EDDM3A: variants seen among roughly 807,000 people sequenced by gnomAD.
EDDM3A encodes epididymal secretory protein E3-alpha.
For missense variants in EDDM3A, 199 were observed against 177.4 expected (o/e 1.12, Z -0.69); for synonymous variants, 75 against 60.4 (o/e 1.24, Z -1.12).
the EDDM3A span, among the ~76,000 whole-genome samples, chr14:20,736,362 G>A: frequency 6.6e-6 from 1 of 152,008 alleles, no homozygotes; most frequent in Non-Finnish European, 1.5e-5. Flanking sequence ...TTCCCACCTC[G>A]GCCTCCCAAA....
chr14:20,744,544 T>C (rs1877526498), upstream of EDDM3A, among the ~76,000 whole-genome samples: 1 of 152,064 alleles, frequency 6.6e-6, no homozygotes. Context: ...GCATGGAAAA[T>C]ATGGTGGAAA....
At chr14:20,738,189 C>T in the EDDM3A span, among the ~76,000 whole-genome samples, 1 of 152,120 alleles carries the variant, frequency 6.6e-6, no homozygotes, top group African/African-American at 2.4e-5. Context: ...AAACCAGTAG[C>T]AAGGCCAGGC....
chr14:20,747,189 C>T (rs1335646560), intron 1 of EDDM3A, among the ~76,000 whole-genome samples: 4 of 150,992 alleles, frequency 2.6e-5, no homozygotes, highest in Admixed American at 6.6e-5. Context: ...CCGCAACCTC[C>T]GCCTCCCAGG....
Position 20,747,513 on chromosome 14 carries a change from T to C in EDDM3A, c.-26-42T>C. The C allele has an allele frequency of 2.3e-6, 3 of 1,280,242 alleles. No individual in the cohort carries two copies. The South Asian group carries it at 4.4e-5, about 19-fold the overall frequency. The allele number at this position is 1,280,242 out of a possible 1,614,324, so 79.3% of individuals were successfully genotyped here. A position where few individuals can be genotyped will look rare whatever the true frequency, so the allele number is the denominator to read the frequency against. On this transcript the variant is annotated intron_variant, in intron 1 of 1. Transcript: ENST00000326842. ...AATTTTAAGGTGGAGCTCAGCTCTC[T>C]GAGTATAGTCTGGTTAATGCTTTTC...
upstream of EDDM3A, among the ~76,000 whole-genome samples, chr14:20,742,839 C>T (rs1425628833): frequency 6.6e-6 from 1 of 152,010 alleles, no homozygotes; most frequent in Non-Finnish European, 1.5e-5. Flanking sequence ...TCAAGTGATC[C>T]TCCCACCTCA....
chr14:20,741,414 G>T (rs1433991232), upstream of EDDM3A, among the ~76,000 whole-genome samples: 2 of 152,204 alleles, frequency 1.3e-5, no homozygotes, highest in African/African-American at 2.4e-5. Flanking sequence ...CACCGGCAGA[G>T]ACCTGGTCTG....
chr14:20,739,852 C>A, the EDDM3A span, among the ~76,000 whole-genome samples: 3 of 152,106 alleles, frequency 2.0e-5, no homozygotes, highest in Non-Finnish European at 4.4e-5. Context: ...TGCTGACCAC[C>A]TGCTCCCCCA....
rs917992929 is a variant in EDDM3A at position 20,747,755 on chromosome 14, G to C, written c.175G>C (p.Ala59Pro). ...KCDVLMREKEALKGKSFHMFI... is the reference protein window; with the variant it reads ...KCDVLMREKEPLKGKSFHMFI... ...TGATGTCCTCATGAGAGAAAAAGAG[G>C]CTCTGAAAGGCAAGAGCTTTCATAT... is the stretch of plus-strand genomic sequence containing the variant. The change falls in exon 2 of 2, where the codon GCT (alanine) becomes CCT (proline). Residue 59 changes from alanine to proline, a missense_variant. By Grantham distance (27) the Ala-to-Pro change is conservative (BLOSUM62 -1). Transcript: ENST00000326842. 1.9e-6 allele frequency: 3 copies of C among 1,614,008 alleles called. No homozygotes were observed. Among genetic ancestry groups the C allele is most frequent in the Non-Finnish European group, 2.5e-6 (3 of 1,180,018 alleles).
Position 20,748,208 on chromosome 14 carries a change from G to A in EDDM3A, c.*184G>A. Reference sequence around the variant, plus strand: ...AAATCTTTGTGTGGTTTCTGTATCTGTAATACAATTTTGTCCTAATTTGCC... The same window carrying A: ...AAATCTTTGTGTGGTTTCTGTATCTATAATACAATTTTGTCCTAATTTGCC... On this transcript the variant is annotated 3_prime_UTR_variant, in exon 2 of 2. Transcript: ENST00000326842. The A allele has an allele frequency of 1.9e-6, 1 of 537,722 alleles. No individual in the cohort carries two copies. The allele number at this position is 537,722 out of a possible 1,614,324, so 33.3% of individuals were successfully genotyped here.
the EDDM3A span, among the ~76,000 whole-genome samples, chr14:20,736,571 A>G: frequency 6.6e-6 from 1 of 152,196 alleles, no homozygotes; most frequent in Admixed American, 6.5e-5. Context: ...GGCTTATGGT[A>G]GTTGCTCAGT....
chr14:20,747,843 GATATAGAA>G lies in EDDM3A; in HGVS notation c.266_273del (p.Tyr89CysfsTer22). 6.2e-7 allele frequency: 1 copy of G among 1,614,142 alleles called. No individual in the cohort carries two copies. The highest frequency in any genetic ancestry group is 8.5e-7 in the Non-Finnish European group (1 of 1,180,024). ...TGCATCAATGAGAAGGGGAGCGACC[GATATAGAA>G]ATGCATATGTATGGGCCCCAGGTGC... is the stretch of plus-strand genomic sequence containing the variant. On this transcript the variant is annotated frameshift_variant, in exon 2 of 2. Coordinates refer to ENST00000326842, the MANE Select transcript of EDDM3A (RefSeq NM_006683.5). LOFTEE classifies it low-confidence loss of function (END_TRUNC).
upstream of EDDM3A, among the ~76,000 whole-genome samples, chr14:20,743,277 C>T (rs911985840): frequency 4.6e-5 from 7 of 152,104 alleles, no homozygotes; most frequent in African/African-American, 7.2e-5. Flanking sequence ...TGGCTTGGTG[C>T]GGTGGCTCAC....
Position 20,748,100 on chromosome 14 carries a change from G to A in EDDM3A, c.*76G>A. 1 of 1,066,180 alleles carries A rather than the reference G, an allele frequency of 9.4e-7. No individual in the cohort carries two copies. Among genetic ancestry groups the A allele is most frequent in the Non-Finnish European group, 1.4e-6 (1 of 739,152 alleles). 66.0% of individuals were successfully genotyped at this position (1,066,180 alleles called of 1,614,324 possible). A position where few individuals can be genotyped will look rare whatever the true frequency, so the allele number is the denominator to read the frequency against. On this transcript the variant is annotated 3_prime_UTR_variant, in exon 2 of 2. Coordinates refer to ENST00000326842, the MANE Select transcript of EDDM3A (RefSeq NM_006683.5). ...GTGGTGGGCCCTGCCTCCATCAATA[G>A]CCCCTGCCACTCCCCGCTTACATTT...
At chr14:20,744,635 C>T (rs777580306), upstream of EDDM3A, among the ~76,000 whole-genome samples, 18 of 152,116 alleles carry the variant, frequency 1.2e-4, no homozygotes, top group Non-Finnish European at 2.1e-4. Flanking sequence ...TCAGTTTGAG[C>T]TGAGTTCAGG....
intron 1 of EDDM3A, among the ~76,000 whole-genome samples, chr14:20,746,604 T>G (rs1877595024): frequency 1.3e-5 from 2 of 152,222 alleles, no homozygotes; most frequent in African/African-American, 4.8e-5. Flanking sequence ...GCATTGTCAA[T>G]AAGCTCTAAC....
chr14:20,744,842 C>T (rs940666078), upstream of EDDM3A, among the ~76,000 whole-genome samples: 1 of 152,174 alleles, frequency 6.6e-6, no homozygotes, highest in Non-Finnish European at 1.5e-5. Context: ...ATACTGGCTA[C>T]CTAATCATTC....
upstream of EDDM3A, among the ~76,000 whole-genome samples, chr14:20,744,307 A>C (rs919512574): frequency 6.6e-6 from 1 of 152,200 alleles, no homozygotes; most frequent in Non-Finnish European, 1.5e-5. Context: ...GGACTGCTTC[A>C]CAGGAGTGGG....
the EDDM3A span, among the ~76,000 whole-genome samples, chr14:20,737,950 G>T: frequency 2.0e-5 from 3 of 152,176 alleles, no homozygotes; most frequent in Non-Finnish European, 4.4e-5. Context: ...AATGTTGAAT[G>T]GCTCTGGCCT....
At position 20,747,942 on chromosome 14, in the gene EDDM3A, G is replaced by A. The variant is rs769378199; in HGVS notation, c.362G>A (p.Ser121Asn). 1 of 1,614,104 alleles carries A rather than the reference G, an allele frequency of 6.2e-7. No individual in the cohort carries two copies. Among genetic ancestry groups the A allele is most frequent in the South Asian group, 1.1e-5 (1 of 91,056 alleles). Residue 121 changes from serine (S) to asparagine (N), a missense_variant, in exon 2 of 2, where the codon AGC becomes AAC. Ser to Asn is a conservative substitution (Grantham distance 46). Transcript: ENST00000326842. ...NNRYTESRSFSYIEFHCGVDG... is the reference protein window; with the variant it reads ...NNRYTESRSFNYIEFHCGVDG... ...AGGTACACAGAGAGCAGAAGCTTCA[G>A]CTACATTGAATTCCATTGTGGCGTA...
Sources: gnomAD v4.1 joint callset for allele counts (sites outside exome capture counted in the v4.1 genomes callset) on GRCh38, gnomAD v4.1.1 for gene constraint, MANE v1.5 for transcripts, NCBI Gene and HGNC (gene_info 2026-07-23, HGNC 2026-07-21) for gene names.